LRBA: variants seen among roughly 807,000 people sequenced by gnomAD.
LRBA encodes lipopolysaccharide-responsive and beige-like anchor protein.
LRBA carries 176 observed loss-of-function variants against 330.0 expected under a neutral mutation model. The ratio of observed to expected loss-of-function variants is 0.53; its 90% confidence interval spans 0.47 to 0.60. LRBA has a LOEUF of 0.60. Among genes scored for constraint, LRBA ranks in the 20% least tolerant of loss-of-function variants. The pLI is 0.00. For synonymous variants in LRBA, 1,230 were observed against 1,193.0 expected (o/e 1.03, Z -0.64); for missense variants, 3,259 against 3,444.8 (o/e 0.95, Z 1.35).
At chr4:150,970,550 TGTGTGTAC>T (rs1303030334) in intron 2 of LRBA, 62 of 48,930 alleles carry the variant, frequency 1.3e-3, no homozygotes, top group East Asian at 6.6e-3. Flanking sequence ...TGTGTGTGTG[TGTGTGTAC>T]ACACACACAC....
chr4:150,344,485 G>T (rs141313332), intron 48 of LRBA, among the ~76,000 whole-genome samples: 1 of 152,080 alleles, frequency 6.6e-6, no homozygotes, highest in Non-Finnish European at 1.5e-5. Context: ...TCTTCTTTCA[G>T]ATTCTAAACA....
At chr4:150,538,534 G>T (rs757346750) in intron 40 of LRBA, among the ~76,000 whole-genome samples, 1 of 152,066 alleles carries the variant, frequency 6.6e-6, no homozygotes, top group South Asian at 2.1e-4. Flanking sequence ...ATTAATGCAG[G>T]AACAGAAAAC....
intron 47 of LRBA, among the ~76,000 whole-genome samples, chr4:150,360,773 A>G (rs748812691): frequency 2.0e-5 from 3 of 152,250 alleles, no homozygotes; most frequent in Admixed American, 1.3e-4. Flanking sequence ...AGGAAATGAC[A>G]GCAGAAATGT....
chr4:150,798,899 T>C (rs909682905), intron 33 of LRBA, among the ~76,000 whole-genome samples: 1 of 152,100 alleles, frequency 6.6e-6, no homozygotes, highest in Non-Finnish European at 1.5e-5. Flanking sequence ...AAATTACAAT[T>C]TTTTTATTCG....
chr4:150,747,271 C>T (rs1256262071), intron 35 of LRBA, among the ~76,000 whole-genome samples: 1 of 152,196 alleles, frequency 6.6e-6, no homozygotes, highest in African/African-American at 2.4e-5. Flanking sequence ...TGATCCCACA[C>T]CTGCTTTCCC....
At chr4:150,298,638 T>C (rs1255895036) in intron 53 of LRBA, among the ~76,000 whole-genome samples, 3 of 152,090 alleles carry the variant, frequency 2.0e-5, no homozygotes, top group African/African-American at 7.2e-5. Context: ...TGCTGAAATA[T>C]TCTTAAAGAA....
At chr4:150,330,443 G>T (rs573146330) in intron 48 of LRBA, among the ~76,000 whole-genome samples, 1 of 152,236 alleles carries the variant, frequency 6.6e-6, no homozygotes, top group East Asian at 1.9e-4. Flanking sequence ...ATAAGGCACT[G>T]GTCCCCAAAC....
At chr4:150,908,950 T>C (rs1351295720) in intron 9 of LRBA, 93 bp from the exon 10 acceptor site, 7 of 776,336 alleles carry the variant, frequency 9.0e-6, no homozygotes, top group East Asian at 5.3e-5. Context: ...AGACAGACCA[T>C]TGATAATCTT....
intron 34 of LRBA, among the ~76,000 whole-genome samples, chr4:150,762,127 G>A (rs776145157): frequency 1.3e-5 from 2 of 151,910 alleles, no homozygotes; most frequent in South Asian, 2.1e-4. Flanking sequence ...TGGGAGCTGG[G>A]AAAGAAGGTA....
At chr4:150,894,863 A>G (rs987822288) in intron 16 of LRBA, among the ~76,000 whole-genome samples, 2 of 152,210 alleles carry the variant, frequency 1.3e-5, no homozygotes, top group Non-Finnish European at 2.9e-5. Flanking sequence ...AAAACTTCAA[A>G]TATTATATTT....
At chr4:150,704,531 T>C (rs1785428343) in intron 36 of LRBA, among the ~76,000 whole-genome samples, 1 of 152,100 alleles carries the variant, frequency 6.6e-6, no homozygotes, top group South Asian at 2.1e-4. Flanking sequence ...GGGAAGTACC[T>C]GAATTCTATT....
intron 30 of LRBA, among the ~76,000 whole-genome samples, chr4:150,817,897 C>G (rs1363567753): frequency 6.6e-6 from 1 of 151,938 alleles, no homozygotes; most frequent in African/African-American, 2.4e-5. Context: ...CCTTGTTAGG[C>G]ATAACTTAAA....
chr4:150,412,387 C>T (rs1351591244), intron 47 of LRBA, among the ~76,000 whole-genome samples: 2 of 152,128 alleles, frequency 1.3e-5, no homozygotes, highest in South Asian at 2.1e-4. Context: ...AAGTTTAGAG[C>T]GTGGGTAGCC....
intron 48 of LRBA, among the ~76,000 whole-genome samples, chr4:150,338,454 T>A (rs1443096070): frequency 1.3e-5 from 2 of 152,130 alleles, no homozygotes; most frequent in African/African-American, 4.8e-5. Flanking sequence ...ATAATATTGT[T>A]CATATTAAGG....
intron 36 of LRBA, among the ~76,000 whole-genome samples, chr4:150,703,140 G>A (rs912278421): frequency 3.9e-5 from 6 of 152,150 alleles, no homozygotes; most frequent in South Asian, 2.1e-4. Flanking sequence ...CAACCTAGGC[G>A]ACAGTGCGAG....
At position 150,515,200 on chromosome 4, in the gene LRBA, T is replaced by C. The variant is rs28496042; in HGVS notation, c.6331-24165A>G. On this transcript the variant is annotated intron_variant, in intron 40 of 56. Transcript: ENST00000651943. ...ATCCAGCAATGTCTAATGAGAACAA[T>C]ATAACATTACCAAGGAGGGTATTTT... Among the ~76,000 whole-genome samples the C allele has an allele frequency of 7.2e-3, 1,094 of 152,224 alleles. 10 individuals are homozygous for C. Among genetic ancestry groups the C allele is most frequent in the African/African-American group, 0.025 (1,047 of 41,554 alleles).
chr4:150,817,300 C>G (rs2126767000), intron 30 of LRBA, 43 bp from the exon 31 acceptor site: 1 of 1,564,382 alleles, frequency 6.4e-7, no homozygotes, highest in African/African-American at 1.4e-5. Flanking sequence ...ACAAATTGAT[C>G]TCTTGAATTA....
rs528206367 is a variant in LRBA at position 150,381,265 on chromosome 4, T to TTATCA, written c.7195-31111_7195-31107dup. ...GTGTACAATTCTGTGGTTTTCAGTA[T>TTATCA]TATCACAAAGCTGTGCAAACATCAC... On this transcript the variant is annotated intron_variant, in intron 47 of 56. Coordinates refer to ENST00000651943, the MANE Select transcript of LRBA (RefSeq NM_001364905.1). Among the ~76,000 whole-genome samples the TTATCA allele has an allele frequency of 1.8e-3, 276 of 152,314 alleles. 1 individual carries two copies. The highest frequency in any genetic ancestry group is 6.3e-3 in the African/African-American group (263 of 41,572).
chr4:150,953,402 C>T (rs1737086366), intron 2 of LRBA, among the ~76,000 whole-genome samples: 1 of 144,290 alleles, frequency 6.9e-6, no homozygotes, highest in Admixed American at 6.9e-5. Context: ...GCACGGTCTC[C>T]CTCTGATGCC....
Sources: allele counts gnomAD v4.1 joint callset (sites outside exome capture counted in the v4.1 genomes callset), GRCh38; gene constraint gnomAD v4.1.1; transcripts MANE v1.5; gene names NCBI Gene and HGNC (gene_info 2026-07-23, HGNC 2026-07-21).